BICC1: variants seen among roughly 807,000 people sequenced by gnomAD.
BICC1 encodes protein bicaudal C homolog 1.
Under a neutral mutation model 111.0 loss-of-function variants are expected in BICC1, and 43 were observed. The ratio of observed to expected loss-of-function variants is 0.39; its 90% CI spans 0.30 to 0.50. The LOEUF (loss-of-function observed/expected upper bound fraction) is 0.50. BICC1 is among the 20% of genes least tolerant of loss of function. The pLI is 0.88. For missense variants in BICC1, 1,091 were observed against 1,203.2 expected (o/e 0.91, Z 1.38); for synonymous variants, 467 against 434.4 (o/e 1.07, Z -0.93).
intron 9 of BICC1, among the ~76,000 whole-genome samples, chr10:58,794,862 T>C (rs910978124): frequency 2.0e-5 from 3 of 152,230 alleles, no homozygotes; most frequent in Admixed American, 1.3e-4. Flanking sequence ...TTACCCTACC[T>C]GCAGTAGTTC....
intron 3 of BICC1, among the ~76,000 whole-genome samples, chr10:58,745,252 C>T (rs1337477096): frequency 2.0e-5 from 3 of 152,056 alleles, no homozygotes; most frequent in Non-Finnish European, 4.4e-5. Context: ...ACTTGACTAA[C>T]TGGGTTGAAT....
chr10:58,802,235 G>T (rs908297882), intron 14 of BICC1, among the ~76,000 whole-genome samples: 1 of 152,118 alleles, frequency 6.6e-6, no homozygotes, highest in Non-Finnish European at 1.5e-5. Flanking sequence ...AAGTTCCCAG[G>T]TCAAATGTCC....
chr10:58,688,877 T>TG (rs1437182350), intron 2 of BICC1, among the ~76,000 whole-genome samples: 2 of 151,578 alleles, frequency 1.3e-5, no homozygotes, highest in East Asian at 3.9e-4. Context: ...TGGGGCCTGT[T>TG]GGGGAGTGGG....
At chr10:58,743,310 A>C (rs144587307) in intron 3 of BICC1, among the ~76,000 whole-genome samples, 1 of 152,202 alleles carries the variant, frequency 6.6e-6, no homozygotes, top group Non-Finnish European at 1.5e-5. Flanking sequence ...GTCTCTCATC[A>C]ATACCAGTCT....
chr10:58,759,052 C>T (rs939833096), intron 3 of BICC1, among the ~76,000 whole-genome samples: 7 of 151,720 alleles, frequency 4.6e-5, no homozygotes, highest in South Asian at 4.2e-4. Context: ...GTCTGTCTCC[C>T]GGGTTCAAGT....
intron 1 of BICC1, among the ~76,000 whole-genome samples, chr10:58,587,422 C>A (rs1303288601): frequency 2.6e-5 from 4 of 152,152 alleles, no homozygotes; most frequent in Non-Finnish European, 4.4e-5. Flanking sequence ...TTTTAATATT[C>A]AGAATTTCAA....
chr10:58,582,419 A>G (rs1844308234), intron 1 of BICC1, among the ~76,000 whole-genome samples: 1 of 152,186 alleles, frequency 6.6e-6, no homozygotes, highest in South Asian at 2.1e-4. Context: ...TTTAACTATC[A>G]GGGTATTAGA....
chr10:58,648,236 G>A (rs936445956), intron 2 of BICC1, among the ~76,000 whole-genome samples: 1 of 152,206 alleles, frequency 6.6e-6, no homozygotes, highest in Non-Finnish European at 1.5e-5. Flanking sequence ...AGGGTGTAGT[G>A]TTTTGCAGCT....
At chr10:58,686,616 T>TAAGC (rs1839736417) in intron 2 of BICC1, among the ~76,000 whole-genome samples, 1 of 151,784 alleles carries the variant, frequency 6.6e-6, no homozygotes, top group African/African-American at 2.4e-5. Flanking sequence ...TTTCATTCAT[T>TAAGC]TGATCTTCAA....
At chr10:58,808,162 A>C (rs576842170) in intron 17 of BICC1, among the ~76,000 whole-genome samples, 1 of 150,696 alleles carries the variant, frequency 6.6e-6, no homozygotes, top group African/African-American at 2.5e-5. Context: ...TCATTTTGGG[A>C]GTTATAGTAG....
intron 2 of BICC1, among the ~76,000 whole-genome samples, chr10:58,629,482 G>T (rs1433453206): frequency 1.3e-5 from 2 of 152,112 alleles, no homozygotes; most frequent in African/African-American, 4.8e-5. Context: ...GAGAGGTTCT[G>T]CCTAAAACTG....
At chr10:58,754,696 T>C (rs2132656916) in intron 3 of BICC1, among the ~76,000 whole-genome samples, 1 of 152,002 alleles carries the variant, frequency 6.6e-6, no homozygotes, top group Non-Finnish European at 1.5e-5. Context: ...GGCTGAGAAA[T>C]TTTCTTTCTG....
At chr10:58,783,487 A>ATCACAGTG (rs1234329395) in intron 3 of BICC1, among the ~76,000 whole-genome samples, 5 of 151,568 alleles carry the variant, frequency 3.3e-5, no homozygotes, top group African/African-American at 1.2e-4. Flanking sequence ...GGGGTGGGAG[A>ATCACAGTG]TCACAGTGTC....
At position 58,800,294 on chromosome 10, in the gene BICC1, A is replaced by G; in HGVS notation, c.1826A>G (p.Glu609Gly). The G allele has an allele frequency of 6.2e-7, 1 of 1,613,712 alleles. No individual in the cohort carries two copies. ...GDPSIQTSGS[E>G]QTSPKSSPTE... ...CCGTCCATCCAGACAAGTGGGTCTG[A>G]GCAGACATCTCCCAAATCAAGCCCC... The change falls in exon 13 of 21, where the codon GAG becomes GGG. Residue 609 changes from glutamate (E) to glycine (G), a missense_variant. By Grantham distance (98) the Glu-to-Gly change is moderately conservative. Transcript: ENST00000373886.
intron 2 of BICC1, among the ~76,000 whole-genome samples, chr10:58,700,714 T>C (rs1840207608): frequency 6.6e-6 from 1 of 152,146 alleles, no homozygotes; most frequent in Admixed American, 6.5e-5. Flanking sequence ...TGATGGCAAG[T>C]GGCCTTTGAC....
chr10:58,769,404 G>GTATGTATATATATATATATATATATATA, intron 3 of BICC1, among the ~76,000 whole-genome samples: 1 of 109,746 alleles, frequency 9.1e-6, no homozygotes, highest in Non-Finnish European at 1.9e-5. Context: ...GTGTGTGTGT[G>GTATGTATATATATATATATATATATATA]TATATATATA....
At chr10:58,650,907 A>T (rs1256236839) in intron 2 of BICC1, 1 of 152,048 alleles carries the variant, frequency 6.6e-6, no homozygotes, top group East Asian at 1.9e-4. Context: ...AGAAGGTGAA[A>T]CCAACTGCAG....
chr10:58,611,885 A>T (rs191417414), intron 1 of BICC1, among the ~76,000 whole-genome samples: 1 of 152,212 alleles, frequency 6.6e-6, no homozygotes, highest in African/African-American at 2.4e-5. Context: ...TTAAGAAAAA[A>T]TATTAAAGTG....
chr10:58,692,836 CT>C (rs34105707), intron 2 of BICC1, among the ~76,000 whole-genome samples: 38,132 of 140,480 alleles, frequency 0.27, 5,917 homozygotes, highest in African/African-American at 0.46. Flanking sequence ...ATATCTCCAT[CT>C]TTTTTTTTTT....
Sources: allele counts gnomAD v4.1 joint callset (sites outside exome capture counted in the v4.1 genomes callset), GRCh38; gene constraint gnomAD v4.1.1; transcripts MANE v1.5; gene names NCBI Gene and HGNC (gene_info 2026-07-23, HGNC 2026-07-21).